The following PLD5 variants were observed in gnomAD, a reference collection of about 807,000 sequenced individuals.
The protein encoded by PLD5 is inactive phospholipase D5.
PLD5 carries 36 observed loss-of-function variants against 61.1 expected under a neutral mutation model. The observed-to-expected ratio is 0.59, with a 90% CI of 0.45 to 0.78. PLD5 has a LOEUF of 0.78. Ranked by LOEUF, PLD5 falls within the 30% of genes least tolerant of loss-of-function variation. The probability of loss-of-function intolerance (pLI) is 0.00; values close to 1 mark genes in which losing one functional copy is unlikely to be tolerated. For missense variants in PLD5, 515 were observed against 644.4 expected (o/e 0.80, Z 2.17); for synonymous variants, 243 against 242.8 (o/e 1.00, Z -0.01).
At chr1:242,116,802 C>A (rs532454491) in intron 6 of PLD5, among the ~76,000 whole-genome samples, 7 of 152,094 alleles carry the variant, frequency 4.6e-5, no homozygotes, top group Non-Finnish European at 1.0e-4. Context: ...ATTTTCTTTA[C>A]AGGATGAGTT....
chr1:242,524,472 G>A lies in PLD5; in HGVS notation c.-196C>T, dbSNP rs1358644687. ...CAGCTGGGAGCGCGGCCGGGCGGGA[G>A]GGGGCGATCGCGGGAGGCGCGGGGC... On this transcript the variant is annotated 5_prime_UTR_variant, in exon 1 of 10. Transcript: ENST00000536534. The A allele has an allele frequency of 5.4e-6, 2 of 371,414 alleles. No homozygotes were observed. Among genetic ancestry groups the A allele is most frequent in the Non-Finnish European group, 9.1e-6 (2 of 219,706 alleles). The allele number at this position is 371,414 out of a possible 1,614,324, so 23.0% of individuals were successfully genotyped here.
At chr1:242,503,714 CT>C (rs1668630628) in intron 1 of PLD5, among the ~76,000 whole-genome samples, 1 of 152,042 alleles carries the variant, frequency 6.6e-6, no homozygotes, top group Non-Finnish European at 1.5e-5. Context: ...GGAAAGAGGC[CT>C]TAAGAAGCAT....
At chr1:242,126,415 A>G (rs552166233) in intron 5 of PLD5, among the ~76,000 whole-genome samples, 7 of 152,336 alleles carry the variant, frequency 4.6e-5, no homozygotes, top group East Asian at 1.9e-4. Context: ...AAACTATACT[A>G]TAAGGCCACA....
At chr1:242,527,424 C>T (rs1669474525), upstream of PLD5, among the ~76,000 whole-genome samples, 1 of 152,144 alleles carries the variant, frequency 6.6e-6, no homozygotes, top group Non-Finnish European at 1.5e-5. Flanking sequence ...GCGTGAGCCA[C>T]CGCGCCCGGC....
At chr1:242,417,795 G>C (rs1664912279) in intron 1 of PLD5, among the ~76,000 whole-genome samples, 1 of 152,186 alleles carries the variant, frequency 6.6e-6, no homozygotes, top group South Asian at 2.1e-4. Context: ...GTATGGGATA[G>C]AGCAAGGAGG....
At chr1:242,207,784 TTATATTTATATATATTTATA>T (rs1287935331) in intron 5 of PLD5, among the ~76,000 whole-genome samples, 1 of 61,348 alleles carries the variant, frequency 1.6e-5, no homozygotes, top group African/African-American at 1.2e-4. Context: ...TTATATATAT[TTATATTTATATATATTTATA>T]TATATTTATA....
intron 3 of PLD5, among the ~76,000 whole-genome samples, chr1:242,267,129 T>TA (rs1444075538): frequency 1.6e-4 from 8 of 49,078 alleles, no homozygotes; most frequent in Admixed American, 6.0e-4. Flanking sequence ...AATAAATAAA[T>TA]AAAAAAACAA....
At chr1:242,384,681 C>T (rs534586828) in intron 1 of PLD5, among the ~76,000 whole-genome samples, 5 of 152,260 alleles carry the variant, frequency 3.3e-5, no homozygotes, top group South Asian at 4.1e-4. Flanking sequence ...AAATGTGATA[C>T]GATCTCATTT....
At chr1:242,129,823 C>G (rs1663093466) in intron 5 of PLD5, among the ~76,000 whole-genome samples, 2 of 152,090 alleles carry the variant, frequency 1.3e-5, no homozygotes, top group Admixed American at 1.3e-4. Flanking sequence ...TCTCCAATGT[C>G]AATTATTCTA....
At chr1:242,418,475 G>C (rs1432213718) in intron 1 of PLD5, among the ~76,000 whole-genome samples, 1 of 152,132 alleles carries the variant, frequency 6.6e-6, no homozygotes, top group Non-Finnish European at 1.5e-5. Flanking sequence ...AGGTGTTTGG[G>C]TGGGATCATC....
In PLD5 at chr1:242,124,575, TGA is replaced by T; in HGVS notation, c.824_825del (p.Phe275Ter). On this transcript the variant is annotated frameshift_variant, in exon 6 of 10. Transcript: ENST00000536534. LOFTEE classifies it high-confidence loss of function. ...RIFALYSSLKFKSRVPQTWSK... is the reference protein window; with the variant it reads ...RIFALYSSLKXKSRVPQTWSK... ...GACCAGGTTTGAGGCACTCTGCTTT[TGA>T]ATTTTAATGAACTATATAGAGCAAA... 5.0e-6 allele frequency: 8 copies of T among 1,614,006 alleles called. No individual in the cohort carries two copies. Among genetic ancestry groups the T allele is most frequent in the Non-Finnish European group, 6.8e-6 (8 of 1,179,862 alleles).
the PLD5 span, among the ~76,000 whole-genome samples, chr1:242,529,783 C>G: frequency 1.4e-5 from 1 of 73,480 alleles, no homozygotes; most frequent in South Asian, 7.4e-4. Flanking sequence ...TGGGATCTTC[C>G]TTCCTTCCTT....
intron 1 of PLD5, among the ~76,000 whole-genome samples, chr1:242,471,623 G>T (rs1667450903): frequency 6.6e-6 from 1 of 151,830 alleles, no homozygotes; most frequent in Non-Finnish European, 1.5e-5. Context: ...AGAGAAAAAA[G>T]GACATATAAA....
intron 4 of PLD5, among the ~76,000 whole-genome samples, chr1:242,231,590 G>A (rs1262210566): frequency 6.6e-6 from 1 of 152,204 alleles, no homozygotes; most frequent in Non-Finnish European, 1.5e-5. Context: ...TCACCAACTA[G>A]AGAAAACATA....
intron 5 of PLD5, among the ~76,000 whole-genome samples, chr1:242,201,200 T>C (rs1217383688): frequency 6.6e-6 from 1 of 152,160 alleles, no homozygotes; most frequent in Non-Finnish European, 1.5e-5. Flanking sequence ...GAAGAGGTTT[T>C]TAAAAATATG....
intron 1 of PLD5, among the ~76,000 whole-genome samples, chr1:242,358,889 A>C (rs1265917866): frequency 6.6e-6 from 1 of 152,094 alleles, no homozygotes; most frequent in Non-Finnish European, 1.5e-5. Context: ...TGGCAGATCT[A>C]GTGTCTACTT....
chr1:242,369,936 A>G (rs1661541210), intron 1 of PLD5, among the ~76,000 whole-genome samples: 1 of 152,198 alleles, frequency 6.6e-6, no homozygotes, highest in Non-Finnish European at 1.5e-5. Context: ...AGAATGACAG[A>G]ACTGCCGAAC....
At chr1:242,464,914 T>C (rs1667228372) in intron 1 of PLD5, among the ~76,000 whole-genome samples, 1 of 152,220 alleles carries the variant, frequency 6.6e-6, no homozygotes, top group African/African-American at 2.4e-5. Context: ...TCACATATTG[T>C]GTGATTCCCT....
intron 3 of PLD5, among the ~76,000 whole-genome samples, chr1:242,271,018 T>C (rs2653171): frequency 6.6e-6 from 1 of 151,986 alleles, no homozygotes; most frequent in African/African-American, 2.4e-5. Flanking sequence ...TAAAACACAA[T>C]ATGTGCACTG....
Sources: gnomAD v4.1 joint callset for allele counts (sites outside exome capture counted in the v4.1 genomes callset) on GRCh38, gnomAD v4.1.1 for gene constraint, MANE v1.5 for transcripts, NCBI Gene and HGNC (gene_info 2026-07-23, HGNC 2026-07-21) for gene names.